Variants in TEX36 observed in about 807,000 individuals in gnomAD.
TEX36 encodes the protein testis expressed 36, also known as testis-expressed protein 36.
TEX36 carries 12 observed loss-of-function variants against 13.6 expected under a neutral mutation model. That is an observed-to-expected ratio of 0.88 (90% CI 0.56 to 1.43). The LOEUF is 1.43. Among genes scored for constraint, TEX36 ranks in the 40% most tolerant of loss-of-function variants. The probability of loss-of-function intolerance (pLI) is 0.00; values close to 1 mark genes in which losing one functional copy is unlikely to be tolerated. For missense variants in TEX36, 224 were observed against 228.3 expected, an observed-to-expected ratio of 0.98 and a Z score of 0.12; for synonymous variants, 93 against 83.0, an observed-to-expected ratio of 1.12 and a Z score of -0.65.
chr10:125,649,964 G>T (rs1269187137), intron 3 of TEX36, among the ~76,000 whole-genome samples: 7 of 152,170 alleles, frequency 4.6e-5, no homozygotes, highest in Non-Finnish European at 1.0e-4. Flanking sequence ...AAATATATAT[G>T]CACCCAATAC....
intron 3 of TEX36, among the ~76,000 whole-genome samples, chr10:125,658,413 T>C (rs1405013492): frequency 1.3e-5 from 2 of 151,972 alleles, no homozygotes; most frequent in Non-Finnish European, 2.9e-5. Flanking sequence ...TATTAAACTA[T>C]ATCAGGCAAA....
intron 3 of TEX36, among the ~76,000 whole-genome samples, chr10:125,585,724 A>G (rs1471258374): frequency 6.6e-6 from 1 of 152,238 alleles, no homozygotes; most frequent in Non-Finnish European, 1.5e-5. Flanking sequence ...TTTTGTGTAC[A>G]GTCATGTTTC....
chr10:125,615,299 G>A (rs1045644751), intron 3 of TEX36, among the ~76,000 whole-genome samples: 1 of 151,950 alleles, frequency 6.6e-6, no homozygotes, highest in African/African-American at 2.4e-5. Flanking sequence ...AATTGCCCTG[G>A]CCAGAACTTC....
At chr10:125,597,357 A>G (rs1298727512) in intron 3 of TEX36, among the ~76,000 whole-genome samples, 2 of 152,162 alleles carry the variant, frequency 1.3e-5, no homozygotes, top group Non-Finnish European at 2.9e-5. Flanking sequence ...AAAAACACTC[A>G]CATGGGCATT....
At chr10:125,666,902 G>C in intron 1 of TEX36, 1 of 463,452 alleles carries the variant, frequency 2.2e-6, no homozygotes, top group East Asian at 4.2e-5. Flanking sequence ...AGATGAAGAG[G>C]GACTCTCTAG....
intron 1 of TEX36, among the ~76,000 whole-genome samples, chr10:125,680,520 G>A (rs1199418518): frequency 6.6e-6 from 1 of 152,118 alleles, no homozygotes; most frequent in Non-Finnish European, 1.5e-5. Flanking sequence ...GTCACTCAAT[G>A]ACTGAAATAT....
intron 3 of TEX36, among the ~76,000 whole-genome samples, chr10:125,604,995 A>T (rs1160579310): frequency 6.6e-6 from 1 of 152,152 alleles, no homozygotes; most frequent in East Asian, 1.9e-4. Context: ...AAAGTGCACA[A>T]TAAATGGAAC....
downstream of TEX36, among the ~76,000 whole-genome samples, chr10:125,651,644 C>T (rs940127979): frequency 1.3e-5 from 2 of 152,030 alleles, no homozygotes; most frequent in Non-Finnish European, 2.9e-5. Flanking sequence ...AAGTTCTGGC[C>T]AGGGCAATCG....
At chr10:125,591,378 A>G (rs1273038816) in intron 3 of TEX36, among the ~76,000 whole-genome samples, 4 of 152,254 alleles carry the variant, frequency 2.6e-5, no homozygotes, top group African/African-American at 4.8e-5. Context: ...AACCCTTGCA[A>G]TTTGGCTCTG....
At chr10:125,657,109 G>T (rs1379927545) in intron 3 of TEX36, among the ~76,000 whole-genome samples, 1 of 152,174 alleles carries the variant, frequency 6.6e-6, no homozygotes, top group Non-Finnish European at 1.5e-5. Flanking sequence ...AACTAAGAAA[G>T]AAAACACTAT....
chr10:125,647,860 C>T (rs1027529164), intron 3 of TEX36, among the ~76,000 whole-genome samples: 2 of 152,174 alleles, frequency 1.3e-5, no homozygotes, highest in Admixed American at 6.5e-5. Context: ...GATTATATCC[C>T]GCGCCTGGCT....
intron 3 of TEX36, 53 bp from the exon 4 acceptor site, chr10:125,656,249 CTTTTTTTTTT>C (rs66461124): frequency 1.1e-4 from 30 of 262,628 alleles, no homozygotes; most frequent in Non-Finnish European, 1.6e-4. Flanking sequence ...TCACATAGTT[CTTTTTTTTTT>C]TTTTTTTTTT....
chr10:125,667,595 G>A, intron 1 of TEX36: 1 of 734,284 alleles, frequency 1.4e-6, no homozygotes, highest in African/African-American at 1.7e-5. Context: ...CTCGCCATTT[G>A]TCCCTGCAAG....
At chr10:125,595,801 C>G (rs760228744) in intron 3 of TEX36, among the ~76,000 whole-genome samples, 1 of 152,204 alleles carries the variant, frequency 6.6e-6, no homozygotes, top group Non-Finnish European at 1.5e-5. Flanking sequence ...CCTCCTTCCC[C>G]TGTTTACTTC....
At chr10:125,644,990 G>T (rs1846746388) in intron 3 of TEX36, among the ~76,000 whole-genome samples, 1 of 152,134 alleles carries the variant, frequency 6.6e-6, no homozygotes, top group Non-Finnish European at 1.5e-5. Flanking sequence ...CAGCAAATGA[G>T]GAAGCAGGAA....
rs547751335 is a variant in TEX36, at chr10:125,587,839, C to A, written c.265-10965G>T. On this transcript the variant is annotated intron_variant, in intron 3 of 3. Coordinates refer to the TEX36 transcript ENST00000532135. ...TTTATACACATGAAGCAGACACACACACACATATACACACGTATCCTTCTC... is the reference window on the plus strand; with the variant it reads ...TTTATACACATGAAGCAGACACACAAACACATATACACACGTATCCTTCTC... Among the ~76,000 whole-genome samples, 236 of 149,000 alleles carry A rather than the reference C, an allele frequency of 1.6e-3. 1 individual carries two copies. Among genetic ancestry groups the A allele is most frequent in the African/African-American group, 5.6e-3 (227 of 40,556 alleles).
chr10:125,664,969 G>A (rs1167616527), intron 1 of TEX36, among the ~76,000 whole-genome samples: 3 of 152,164 alleles, frequency 2.0e-5, no homozygotes, highest in African/African-American at 7.2e-5. Context: ...GATGATCAAT[G>A]ATGTTGAGCA....
intron 1 of TEX36, among the ~76,000 whole-genome samples, chr10:125,663,644 G>A (rs1847079981): frequency 6.6e-6 from 1 of 152,088 alleles, no homozygotes; most frequent in Non-Finnish European, 1.5e-5. Context: ...TTCCCCTGAT[G>A]ATTAGTGATG....
intron 3 of TEX36, among the ~76,000 whole-genome samples, chr10:125,606,480 A>G (rs1846217408): frequency 6.6e-6 from 1 of 152,202 alleles, no homozygotes; most frequent in African/African-American, 2.4e-5. Context: ...CTGACCTTTA[A>G]ACACATCAGT....
Sources: gnomAD v4.1 joint callset for allele counts (sites outside exome capture counted in the v4.1 genomes callset) on GRCh38, gnomAD v4.1.1 for gene constraint, MANE v1.5 for transcripts, NCBI Gene and HGNC (gene_info 2026-07-23, HGNC 2026-07-21) for gene names.